Variants in MTRR observed in about 807,000 individuals in gnomAD.
MTRR encodes 5-methyltetrahydrofolate-homocysteine methyltransferase reductase.
MTRR carries 63 observed loss-of-function variants against 79.2 expected under a neutral mutation model. The ratio of observed to expected loss-of-function variants is 0.80; its 90% CI spans 0.65 to 0.98. MTRR has a LOEUF of 0.98. Among genes scored for constraint, MTRR ranks in the 50% least tolerant of loss-of-function variants. The probability of loss-of-function intolerance (pLI) is 0.00; values close to 1 mark genes in which losing one functional copy is unlikely to be tolerated. For missense variants in MTRR, 895 were observed against 839.6 expected (o/e 1.07, Z -0.82); for synonymous variants, 355 against 313.3 (o/e 1.13, Z -1.41).
chr5:7,878,864 G>A (rs1024871967), intron 5 of MTRR, among the ~76,000 whole-genome samples: 5 of 152,200 alleles, frequency 3.3e-5, no homozygotes, highest in Non-Finnish European at 7.3e-5. Context: ...GTCTTTGAAT[G>A]CAGGGCTAAG....
rs763433943 is a variant in MTRR, at chr5:7,885,743, A to T, written c.946A>T (p.Ile316Phe). The change falls in exon 7 of 15, where the codon ATC becomes TTC. Residue 316 changes from isoleucine (I) to phenylalanine (F), a missense_variant. Physicochemically the swap from Ile to Phe is conservative, Grantham distance 21. Transcript: ENST00000440940. ...TCAGCCTGGAGATGCCTTCAGCGTG[A>T]TCTGCCCTAACAGTGATTCTGAGGT... ...SYQPGDAFSV[I>F]CPNSDSEVQS... 8 of 1,613,452 alleles carry T rather than the reference A, an allele frequency of 5.0e-6. No individual in the cohort carries two copies. In the South Asian group the frequency reaches 8.8e-5, roughly 18 times the overall value.
intron 2 of MTRR, among the ~76,000 whole-genome samples, chr5:7,863,638 A>C (rs1343502371): frequency 2.6e-5 from 4 of 152,214 alleles, no homozygotes; most frequent in African/African-American, 9.6e-5. Context: ...ATGTGATATA[A>C]ATGACATTCC....
chr5:7,864,640 T>C (rs184477020), upstream of MTRR, among the ~76,000 whole-genome samples: 1 of 152,334 alleles, frequency 6.6e-6, no homozygotes, highest in African/African-American at 2.4e-5. Context: ...GAAAATATGC[T>C]AAACTTCATT....
chr5:7,892,695 C>G (rs760883244), intron 10 of MTRR, 32 bp from the exon 11 acceptor site: 3 of 1,609,604 alleles, frequency 1.9e-6, no homozygotes, highest in East Asian at 4.5e-5. Context: ...GTACTGATAT[C>G]GAGTTCAAAA....
At chr5:7,871,323 G>A (rs962533431) in intron 2 of MTRR, among the ~76,000 whole-genome samples, 2 of 152,282 alleles carry the variant, frequency 1.3e-5, no homozygotes, top group South Asian at 4.1e-4. Context: ...AGTTCCTCCT[G>A]ATGAAGGACC....
intron 8 of MTRR, among the ~76,000 whole-genome samples, chr5:7,887,872 G>C (rs1034291619): frequency 9.1e-5 from 12 of 132,280 alleles, no homozygotes; most frequent in South Asian, 2.5e-4. Flanking sequence ...AAAAATTCTG[G>C]ATACAGAAAT....
rs767247740 is a variant in MTRR at position 7,873,515 on chromosome 5, A to T, written c.272A>T (p.Tyr91Phe). Reference protein sequence around the residue: ...LPVDFFAHLRYGLLGLGDSEY... With the variant: ...LPVDFFAHLRFGLLGLGDSEY... The stretch of plus-strand genomic sequence containing the variant: ...GTTGATTTCTTTGCTCACCTGCGGT[A>T]TGGGTTACTGGGTAATGGACTCTCT... The change falls in exon 3 of 15, where the codon TAT becomes TTT. Residue 91 changes from tyrosine to phenylalanine, a missense_variant. Transcript: ENST00000440940. The T allele has an allele frequency of 1.2e-6, 2 of 1,614,160 alleles. No individual in the cohort carries two copies. The highest frequency in any genetic ancestry group is 2.2e-5 in the South Asian group (2 of 91,084).
upstream of MTRR, chr5:7,866,795 CTAAA>C: frequency 6.2e-7 from 1 of 1,614,140 alleles, no homozygotes; most frequent in South Asian, 1.1e-5. Context: ...TTCCAGCTTT[CTAAA>C]TAAAGCAGAG....
chr5:7,900,599 G>A lies in MTRR; in HGVS notation c.*541G>A, dbSNP rs9332. The A allele has an allele frequency of 0.2, 31,307 of 152,788 alleles. 4,514 individuals are homozygous for A. The highest frequency in any genetic ancestry group is 0.38 in the African/African-American group (15,808 of 41,476). The allele number at this position is 152,788 out of a possible 1,614,324, so 9.5% of individuals were successfully genotyped here. ...TATTTGTTACTAAAGCTATATTTCTGATAAAAAATATTTTAGGATAATTGC... is the reference window on the plus strand; with the variant it reads ...TATTTGTTACTAAAGCTATATTTCTAATAAAAAATATTTTAGGATAATTGC... On this transcript the variant is annotated 3_prime_UTR_variant, in exon 15 of 15. Coordinates refer to ENST00000440940, the MANE Select transcript of MTRR (RefSeq NM_002454.3).
chr5:7,860,080 G>A (rs531117211), intron 1 of MTRR, among the ~76,000 whole-genome samples: 31 of 152,162 alleles, frequency 2.0e-4, no homozygotes, highest in Non-Finnish European at 4.4e-4. Flanking sequence ...CCTGGCTGCA[G>A]GCCAACCATT....
intron 1 of MTRR, chr5:7,859,624 C>T (rs1579524694): frequency 3.8e-6 from 3 of 783,900 alleles, no homozygotes; most frequent in Non-Finnish European, 6.1e-6. Flanking sequence ...TTGTTTCTTA[C>T]ACGCTTCCCC....
At chr5:7,897,297 T>C in intron 14 of MTRR, 50 bp downstream of exon 14, 1 of 1,589,802 alleles carries the variant, frequency 6.3e-7, no homozygotes, top group Non-Finnish European at 8.6e-7. Context: ...ATCAGTGATG[T>C]CTGTAGAAGA....
At position 7,878,234 on chromosome 5, in the gene MTRR, C is replaced by T. The variant is rs201557658; in HGVS notation, c.692C>T (p.Ser231Leu). 38 of 1,614,048 alleles carry T rather than the reference C, an allele frequency of 2.4e-5. No homozygotes were observed. The East Asian group carries it at 3.6e-4, about 15-fold the overall frequency. The stretch of plus-strand genomic sequence containing the variant: ...GACTTTGAGTCCTCACTTACCCGTT[C>T]GGTACCCCCACTCTCACAAGCCTCT... ...IEDFESSLTR[S>L]VPPLSQASLN... The change falls in exon 5 of 15, where the codon TCG (serine) becomes TTG (leucine). Residue 231 changes from serine (S) to leucine (L), a missense_variant. Physicochemically the swap from Ser to Leu is moderately radical, Grantham distance 145. Coordinates refer to ENST00000440940, the MANE Select transcript of MTRR (RefSeq NM_002454.3).
chr5:7,879,585 CAA>C (rs1735232672), intron 5 of MTRR, among the ~76,000 whole-genome samples: 1 of 150,532 alleles, frequency 6.6e-6, no homozygotes, highest in African/African-American at 2.5e-5. Flanking sequence ...TTAAGAGAGA[CAA>C]TATAAATATG....
chr5:7,875,367 C>G lies in MTRR; in HGVS notation c.393C>G (p.Asp131Glu). 6.2e-7 allele frequency: 1 copy of G among 1,609,360 alleles called. No homozygotes were observed. Among genetic ancestry groups the G allele is most frequent in the Non-Finnish European group, 8.5e-7 (1 of 1,175,716 alleles). ...TCTATGACACTGGACATGCAGATGA[C>G]TGTGTAGGGTAAGGGCAGTGTTCTC... ...RHFYDTGHAD[D>E]CVGLELVVEP... The change falls in exon 4 of 15, where the codon GAC becomes GAG. Residue 131 changes from aspartate to glutamate, a missense_variant. By Grantham distance (45) the Asp-to-Glu change is conservative. Coordinates refer to ENST00000440940, the MANE Select transcript of MTRR (RefSeq NM_002454.3).
chr5:7,876,837 TGTC>T (rs1297656044), intron 4 of MTRR, among the ~76,000 whole-genome samples: 3 of 152,372 alleles, frequency 2.0e-5, no homozygotes, highest in East Asian at 3.9e-4. Context: ...GAAGAGTGCC[TGTC>T]GTCATGTAGT....
chr5:7,877,698 C>G (rs1017920013), intron 4 of MTRR, among the ~76,000 whole-genome samples: 1 of 152,066 alleles, frequency 6.6e-6, no homozygotes, highest in South Asian at 2.1e-4. Flanking sequence ...AGAATATCTT[C>G]CTATCCCTCT....
intron 4 of MTRR, among the ~76,000 whole-genome samples, chr5:7,877,250 T>TA: frequency 6.6e-6 from 1 of 152,366 alleles, no homozygotes. Context: ...TGGCTGTTGT[T>TA]ATGATAATTT....
rs1357624483 is a variant in MTRR at position 7,857,065 on chromosome 5, GC to G, written n.392-4881del. 1.1e-4 allele frequency among the ~76,000 whole-genome samples: 17 copies of G among 152,194 alleles called. No individual in the cohort carries two copies. In the East Asian group the frequency reaches 3.3e-3, roughly 29 times the overall value. On this transcript the variant is annotated intron_variant and non_coding_transcript_variant, in intron 1 of 3. Coordinates refer to the MTRR transcript ENST00000502509. The stretch of plus-strand genomic sequence containing the variant: ...GCAGCCCAAAGTCCTGAACTTTGCT[GC>G]CCCCTATTGATAGGCCCAAAGACTA...
Sources: allele counts gnomAD v4.1 joint callset (sites outside exome capture counted in the v4.1 genomes callset), GRCh38; gene constraint gnomAD v4.1.1; transcripts MANE v1.5; gene names NCBI Gene and HGNC (gene_info 2026-07-23, HGNC 2026-07-21).